Variants in PACRG observed in about 807,000 individuals in gnomAD.
PACRG encodes parkin coregulated gene protein.
A neutral mutation model predicts 29.7 loss-of-function variants in PACRG; 29 were observed. The ratio of observed to expected loss-of-function variants is 0.98; its 90% confidence interval spans 0.73 to 1.33. The LOEUF is 1.33. PACRG is among the 40% of genes most tolerant of loss of function. The probability of loss-of-function intolerance (pLI) is 0.00; values close to 1 mark genes in which losing one functional copy is unlikely to be tolerated. For synonymous variants in PACRG, 116 were observed against 118.7 expected (o/e 0.98, Z 0.15); for missense variants, 279 against 316.2 (o/e 0.88, Z 0.89).
At chr6:163,307,236 T>G (rs1785224022) in intron 4 of PACRG, among the ~76,000 whole-genome samples, 1 of 152,196 alleles carries the variant, frequency 6.6e-6, no homozygotes, top group Non-Finnish European at 1.5e-5. Context: ...ATTCAGAAGA[T>G]GAAAACGTTT....
intron 2 of PACRG, among the ~76,000 whole-genome samples, chr6:163,006,420 C>A (rs1805122053): frequency 6.6e-6 from 1 of 151,270 alleles, no homozygotes; most frequent in South Asian, 2.1e-4. Context: ...CTATAAATGT[C>A]AATTTAGGTC....
chr6:162,949,333 T>C (rs553719109), intron 2 of PACRG, among the ~76,000 whole-genome samples: 7 of 152,256 alleles, frequency 4.6e-5, no homozygotes, highest in African/African-American at 1.7e-4. Context: ...AGTAGAATTA[T>C]AGATACCAGA....
intron 2 of PACRG, among the ~76,000 whole-genome samples, chr6:163,044,240 T>C (rs1241845218): frequency 6.6e-6 from 1 of 150,658 alleles, no homozygotes; most frequent in Admixed American, 6.6e-5. Context: ...ACGATCACGG[T>C]TCACTGAAGC....
chr6:163,173,007 A>T (rs1169886139), intron 4 of PACRG, among the ~76,000 whole-genome samples: 1 of 152,268 alleles, frequency 6.6e-6, no homozygotes, highest in Non-Finnish European at 1.5e-5. Flanking sequence ...AGAGTATCTA[A>T]GAACATGATA....
chr6:162,903,441 TCA>T (rs1795698377), intron 2 of PACRG, among the ~76,000 whole-genome samples: 1 of 152,336 alleles, frequency 6.6e-6, no homozygotes, highest in East Asian at 1.9e-4. Flanking sequence ...TTTAATGGAC[TCA>T]CAGTTCCATG....
intron 2 of PACRG, among the ~76,000 whole-genome samples, chr6:162,856,745 C>T (rs1342955807): frequency 6.6e-6 from 1 of 152,168 alleles, no homozygotes; most frequent in Non-Finnish European, 1.5e-5. Context: ...TTACAAATAG[C>T]CGTTTGAATA....
chr6:163,196,960 T>TAGATAGATAGAC lies in PACRG; in HGVS notation c.613+107563_613+107564insCAGATAGATAGA, dbSNP rs1554384781. ...ATAGATAGATAGATAGATAGATAGATAGATAGATAGAGGCGGACAGACAGC... is the reference window on the plus strand; with the variant it reads ...ATAGATAGATAGATAGATAGATAGATAGATAGATAGACAGATAGATAGAGGCGGACAGACAGC... On this transcript the variant is annotated intron_variant, in intron 4 of 4. Transcript: ENST00000366888. Among the ~76,000 whole-genome samples the TAGATAGATAGAC allele has an allele frequency of 1.4e-3, 212 of 149,372 alleles. 2 individuals carry two copies. Among genetic ancestry groups the TAGATAGATAGAC allele is most frequent in the African/African-American group, 4.7e-3 (187 of 39,458 alleles).
intron 2 of PACRG, among the ~76,000 whole-genome samples, chr6:163,009,448 T>C (rs1057306594): frequency 6.6e-6 from 1 of 152,220 alleles, no homozygotes; most frequent in Non-Finnish European, 1.5e-5. Flanking sequence ...GCATCTCAAA[T>C]TCAACGTTAC....
chr6:163,109,347 C>T (rs10214583), intron 4 of PACRG, among the ~76,000 whole-genome samples: 1 of 152,304 alleles, frequency 6.6e-6, no homozygotes, highest in South Asian at 2.1e-4. Flanking sequence ...GAGTTCAGAG[C>T]ATCACTATCA....
chr6:163,088,202 T>C (rs1347126951), intron 3 of PACRG, among the ~76,000 whole-genome samples: 2 of 152,206 alleles, frequency 1.3e-5, no homozygotes. Context: ...CATTTCTTTT[T>C]ATAGCCTGGG....
intron 1 of PACRG, among the ~76,000 whole-genome samples, chr6:162,736,866 T>C (rs983226641): frequency 6.6e-6 from 1 of 152,180 alleles, no homozygotes; most frequent in Non-Finnish European, 1.5e-5. Flanking sequence ...TACATGTTGT[T>C]GAAAGCTCAT....
chr6:162,974,735 C>G (rs976707320), intron 2 of PACRG, among the ~76,000 whole-genome samples: 2 of 152,148 alleles, frequency 1.3e-5, no homozygotes, highest in Non-Finnish European at 2.9e-5. Flanking sequence ...TATATTTAAT[C>G]ATGAATAATC....
intron 1 of PACRG, among the ~76,000 whole-genome samples, chr6:162,786,580 T>C (rs1010439471): frequency 5.9e-5 from 9 of 152,132 alleles, no homozygotes; most frequent in African/African-American, 7.2e-5. Context: ...GGTAGAGCCA[T>C]AGTGTAGAGG....
At chr6:163,218,641 C>T (rs1213631192) in intron 4 of PACRG, among the ~76,000 whole-genome samples, 2 of 152,202 alleles carry the variant, frequency 1.3e-5, no homozygotes, top group African/African-American at 4.8e-5. Context: ...CTCAAACTCC[C>T]AGCAACACTC....
chr6:163,113,896 T>C (rs1349095414), intron 4 of PACRG, among the ~76,000 whole-genome samples: 1 of 152,230 alleles, frequency 6.6e-6, no homozygotes, highest in Non-Finnish European at 1.5e-5. Context: ...CATTTTGTTT[T>C]CTACATTATT....
chr6:163,196,260 C>G (rs140178037), intron 4 of PACRG, among the ~76,000 whole-genome samples: 8 of 152,244 alleles, frequency 5.3e-5, no homozygotes, highest in African/African-American at 1.9e-4. Flanking sequence ...TCACGGACAG[C>G]GCCCAACAGC....
chr6:162,790,102 T>C (rs1418661198), intron 1 of PACRG, among the ~76,000 whole-genome samples: 2 of 152,212 alleles, frequency 1.3e-5, no homozygotes, highest in Non-Finnish European at 2.9e-5. Flanking sequence ...AAATTATATC[T>C]AAATGATGTT....
intron 2 of PACRG, among the ~76,000 whole-genome samples, chr6:162,972,601 A>G (rs916305196): frequency 1.3e-5 from 2 of 152,216 alleles, no homozygotes; most frequent in African/African-American, 2.4e-5. Flanking sequence ...GATTGGATAT[A>G]TCAGTAGAAG....
intron 1 of PACRG, among the ~76,000 whole-genome samples, chr6:162,792,702 G>T (rs1785056064): frequency 6.6e-6 from 1 of 152,178 alleles, no homozygotes; most frequent in African/African-American, 2.4e-5. Flanking sequence ...GAAAAGTCAG[G>T]CTTCTGTTAG....
Sources: allele counts gnomAD v4.1 joint callset (sites outside exome capture counted in the v4.1 genomes callset), GRCh38; gene constraint gnomAD v4.1.1; transcripts MANE v1.5; gene names NCBI Gene and HGNC (gene_info 2026-07-23, HGNC 2026-07-21).